Variants in CYP7B1 observed in about 807,000 individuals in gnomAD.
The protein encoded by CYP7B1 is cytochrome P450 7B1.
A neutral mutation model predicts 42.7 loss-of-function variants in CYP7B1; 29 were observed. That is an observed-to-expected ratio of 0.68 (90% CI 0.51 to 0.93). CYP7B1 has a LOEUF of 0.93. CYP7B1 is among the 40% of genes least tolerant of loss of function. The pLI, the probability that CYP7B1 is intolerant of heterozygous loss-of-function variation, is 0.00. For synonymous variants in CYP7B1, 235 were observed against 218.2 expected, an observed-to-expected ratio of 1.08 and a Z score of -0.68; for missense variants, 655 against 600.5, an observed-to-expected ratio of 1.09 and a Z score of -0.95.
intron 1 of CYP7B1, among the ~76,000 whole-genome samples, chr8:64,718,113 A>G (rs2129632808): frequency 6.6e-6 from 1 of 152,148 alleles, no homozygotes; most frequent in East Asian, 1.9e-4. Context: ...ATGTTGGTAT[A>G]TCTAGTATAT....
chr8:64,748,322 G>C (rs960778442), intron 1 of CYP7B1, among the ~76,000 whole-genome samples: 1 of 152,038 alleles, frequency 6.6e-6, no homozygotes, highest in African/African-American at 2.4e-5. Flanking sequence ...TTCCTTCTAA[G>C]AGTGGTCTAT....
intron 1 of CYP7B1, among the ~76,000 whole-genome samples, chr8:64,684,269 C>T (rs1011676131): frequency 6.6e-6 from 1 of 152,226 alleles, no homozygotes; most frequent in Admixed American, 6.5e-5. Context: ...TAGTATAAAT[C>T]AGGTGGTCCT....
At chr8:64,601,476 A>G (rs1033474330) in intron 5 of CYP7B1, among the ~76,000 whole-genome samples, 1 of 152,206 alleles carries the variant, frequency 6.6e-6, no homozygotes, top group African/African-American at 2.4e-5. Flanking sequence ...GATCTTCTCT[A>G]TGGAGCTTCT....
At chr8:64,684,463 C>G (rs909363938) in intron 1 of CYP7B1, among the ~76,000 whole-genome samples, 1 of 152,070 alleles carries the variant, frequency 6.6e-6, no homozygotes, top group Non-Finnish European at 1.5e-5. Flanking sequence ...TATGATAAAC[C>G]CTGTATCACG....
chr8:64,604,911 T>A, intron 4 of CYP7B1, 54 bp from the exon 5 acceptor site: 1 of 1,571,604 alleles, frequency 6.4e-7, no homozygotes, highest in Non-Finnish European at 8.7e-7. Context: ...TCCTGAAAAC[T>A]GCTCTCAGTT....
chr8:64,695,850 T>C (rs1367882683), intron 1 of CYP7B1, among the ~76,000 whole-genome samples: 1 of 152,100 alleles, frequency 6.6e-6, no homozygotes, highest in Non-Finnish European at 1.5e-5. Context: ...TATTTTGTAA[T>C]CTGGCTGCTT....
intron 1 of CYP7B1, among the ~76,000 whole-genome samples, chr8:64,722,572 CAGT>C (rs1807255429): frequency 6.6e-6 from 1 of 151,914 alleles, no homozygotes; most frequent in Non-Finnish European, 1.5e-5. Context: ...TGAGATAACA[CAGT>C]AGTTTTTTGC....
intron 1 of CYP7B1, among the ~76,000 whole-genome samples, chr8:64,689,863 C>T (rs147224095): frequency 1.6e-3 from 249 of 152,218 alleles, no homozygotes; most frequent in Admixed American, 2.6e-3. Context: ...CGACCACGCC[C>T]GGCCTGCTTC....
chr8:64,641,853 AC>A (rs767426753), intron 1 of CYP7B1, among the ~76,000 whole-genome samples: 16 of 152,224 alleles, frequency 1.1e-4, no homozygotes, highest in Non-Finnish European at 1.6e-4. Context: ...GTAAAAAAAA[AC>A]ATCACACACA....
chr8:64,745,480 T>G, intron 1 of CYP7B1, among the ~76,000 whole-genome samples: 1 of 152,172 alleles, frequency 6.6e-6, no homozygotes, highest in Non-Finnish European at 1.5e-5. Context: ...CTTTTGGAGA[T>G]TCTACATTTA....
chr8:64,798,731 G>A lies in CYP7B1; in HGVS notation c.-144C>T, dbSNP rs191075257. On this transcript the variant is annotated 5_prime_UTR_variant, in exon 1 of 6. Transcript: ENST00000310193. ...GCTGGCCTGCCCGCAGCGCAGACAG[G>A]AATGTCACCGTGGTCTCCCAGGCTG... 4,084 of 887,768 alleles carry A rather than the reference G, an allele frequency of 4.6e-3. 13 individuals carry two copies. The highest frequency in any genetic ancestry group is 5.6e-3 in the Non-Finnish European group (3,546 of 635,920). The allele number at this position is 887,768 out of a possible 1,614,324, so 55.0% of individuals were successfully genotyped here.
chr8:64,606,963 G>A (rs1257250638), intron 4 of CYP7B1, among the ~76,000 whole-genome samples: 1 of 152,138 alleles, frequency 6.6e-6, no homozygotes, highest in East Asian at 1.9e-4. Flanking sequence ...AAAAATTGCA[G>A]CCTCTACTTG....
intron 1 of CYP7B1, among the ~76,000 whole-genome samples, chr8:64,766,262 G>A (rs567956576): frequency 6.6e-6 from 1 of 152,254 alleles, no homozygotes; most frequent in East Asian, 1.9e-4. Flanking sequence ...ATAGGGAAAG[G>A]AAGAAAATCC....
chr8:64,730,374 T>G (rs1229993608), intron 1 of CYP7B1, among the ~76,000 whole-genome samples: 1 of 152,080 alleles, frequency 6.6e-6, no homozygotes, highest in Non-Finnish European at 1.5e-5. Flanking sequence ...CCAGTCATCT[T>G]TGTTGTCCAA....
chr8:64,659,511 A>G (rs978488495), intron 1 of CYP7B1, among the ~76,000 whole-genome samples: 2 of 152,170 alleles, frequency 1.3e-5, no homozygotes, highest in Non-Finnish European at 2.9e-5. Flanking sequence ...GACTAAATAA[A>G]TGTTAATTAA....
At chr8:64,638,220 G>T (rs118007951) in intron 1 of CYP7B1, among the ~76,000 whole-genome samples, 2 of 151,338 alleles carry the variant, frequency 1.3e-5, no homozygotes, top group East Asian at 1.9e-4. Flanking sequence ...TCATGATGGC[G>T]ACTTTCCTCA....
At chr8:64,621,777 A>C (rs1239588296) in intron 2 of CYP7B1, among the ~76,000 whole-genome samples, 6 of 150,182 alleles carry the variant, frequency 4.0e-5, no homozygotes, top group Non-Finnish European at 4.4e-5. Flanking sequence ...CGTTCTGTCA[A>C]CAGGCTGGAG....
intron 1 of CYP7B1, among the ~76,000 whole-genome samples, chr8:64,790,749 T>C (rs1217079699): frequency 1.3e-5 from 2 of 152,202 alleles, no homozygotes; most frequent in Non-Finnish European, 2.9e-5. Flanking sequence ...AAGAAGAATC[T>C]ATTTTTTCAA....
chr8:64,591,356 CTAAT>C lies in CYP7B1; in HGVS notation c.*5282_*5285del, dbSNP rs1805030411. Among the ~76,000 whole-genome samples the C allele has an allele frequency of 6.6e-6, 1 of 152,062 alleles. No individual in the cohort carries two copies. Among genetic ancestry groups the C allele is most frequent in the South Asian group, 2.1e-4 (1 of 4,828 alleles). On this transcript the variant is annotated 3_prime_UTR_variant, in exon 6 of 6. Coordinates refer to ENST00000310193, the MANE Select transcript of CYP7B1 (RefSeq NM_004820.5). ...GAATTCAATATGTTAATATGAGTAT[CTAAT>C]TATGCAATACAAGTAAACAATAGTT... is the stretch of plus-strand genomic sequence containing the variant.
Sources: gnomAD v4.1 joint callset for allele counts (sites outside exome capture counted in the v4.1 genomes callset) on GRCh38, gnomAD v4.1.1 for gene constraint, MANE v1.5 for transcripts, NCBI Gene and HGNC (gene_info 2026-07-23, HGNC 2026-07-21) for gene names.